The following UBE2W variants were observed in gnomAD, a reference collection of about 807,000 sequenced individuals.
The protein encoded by UBE2W is ubiquitin conjugating enzyme E2 W, also known as ubiquitin-conjugating enzyme E2 W.
In UBE2W, 18 loss-of-function variants were observed where a neutral mutation model predicts 27.2. That is an observed-to-expected ratio of 0.66 (90% CI 0.46 to 0.98). The LOEUF is 0.98. Ranked by LOEUF, UBE2W falls within the 50% of genes least tolerant of loss-of-function variation. The probability of loss-of-function intolerance (pLI) is 0.00; values close to 1 mark genes in which losing one functional copy is unlikely to be tolerated. For missense variants in UBE2W, 90 were observed against 180.2 expected (o/e 0.50, Z 2.87); for synonymous variants, 53 against 57.2 (o/e 0.93, Z 0.33).
chr8:73,781,919 T>C (rs111637215), downstream of UBE2W, among the ~76,000 whole-genome samples: 7,310 of 147,158 alleles, frequency 0.05, 655 homozygotes, highest in African/African-American at 0.17. Context: ...TCTTTATTAC[T>C]AAAAGCCTCC....
chr8:73,849,811 T>C (rs1810996649), intron 1 of UBE2W, among the ~76,000 whole-genome samples: 1 of 151,988 alleles, frequency 6.6e-6, no homozygotes, highest in South Asian at 2.1e-4. Flanking sequence ...TACAGAATGG[T>C]TCAGAGTCAA....
At chr8:73,820,773 A>G (rs978562947) in intron 3 of UBE2W, among the ~76,000 whole-genome samples, 3 of 151,446 alleles carry the variant, frequency 2.0e-5, no homozygotes, top group Non-Finnish European at 4.4e-5. Flanking sequence ...ACAAACAAAC[A>G]AACAAACAAA....
At position 73,789,138 on chromosome 8, in the gene UBE2W, T is replaced by C. The variant is rs1808083682; in HGVS notation, c.*4964A>G. ...GTTTCAAGTACATGTCTAGATTCTA[T>C]GTGCCTCTAATGATAATGATGTACA... is the stretch of plus-strand genomic sequence containing the variant. On this transcript the variant is annotated 3_prime_UTR_variant, in exon 6 of 6. Transcript: ENST00000602593. The C allele has an allele frequency of 1.0e-6, 1 of 984,856 alleles. No homozygotes were observed. The highest frequency in any genetic ancestry group is 1.2e-6 in the Non-Finnish European group (1 of 829,822). The allele number at this position is 984,856 out of a possible 1,614,324, so 61.0% of individuals were successfully genotyped here.
Position 73,823,516 on chromosome 8 carries a change from T to G in UBE2W, c.210+1631A>C, listed in dbSNP as rs567767741. Reference sequence around the variant, plus strand: ...TTGAACTTAGTTGAAGGTAGACAAATAGGCTGATGATGAAAACAGACTGAG... The same window carrying G: ...TTGAACTTAGTTGAAGGTAGACAAAGAGGCTGATGATGAAAACAGACTGAG... On this transcript the variant is annotated intron_variant, in intron 3 of 5. Transcript: ENST00000602593. 3.3e-5 allele frequency among the ~76,000 whole-genome samples: 5 copies of G among 152,268 alleles called. No homozygotes were observed. In the East Asian group the frequency reaches 9.7e-4, roughly 29 times the overall value.
intron 3 of UBE2W, among the ~76,000 whole-genome samples, chr8:73,817,554 T>C (rs1809444934): frequency 6.6e-6 from 1 of 152,072 alleles, no homozygotes; most frequent in Non-Finnish European, 1.5e-5. Flanking sequence ...AGTCTCGTTC[T>C]GTCGCCAGGC....
intron 3 of UBE2W, among the ~76,000 whole-genome samples, chr8:73,822,057 C>T (rs1809635007): frequency 6.6e-6 from 1 of 152,174 alleles, no homozygotes; most frequent in African/African-American, 2.4e-5. Flanking sequence ...ACAAATCGTT[C>T]TTCAAATGGA....
chr8:73,796,580 G>C (rs1178264369), intron 5 of UBE2W: 1 of 907,890 alleles, frequency 1.1e-6, no homozygotes. Context: ...CCCAATCCCT[G>C]TTTCTGACTG....
At chr8:73,863,568 T>TA (rs1193768780) in intron 1 of UBE2W, among the ~76,000 whole-genome samples, 1 of 133,530 alleles carries the variant, frequency 7.5e-6, no homozygotes, top group Non-Finnish European at 1.6e-5. Context: ...CCCTAAAACT[T>TA]AAAGTATAAT....
intron 1 of UBE2W, among the ~76,000 whole-genome samples, chr8:73,864,750 T>TGGGGGGGGGGGGGGGGGG (rs71269956): frequency 1.1e-5 from 1 of 88,550 alleles, no homozygotes; most frequent in African/African-American, 6.0e-5. Flanking sequence ...CAAATTTTTT[T>TGGGGGGGGGGGGGGGGGG]GGGGGGGGGG....
intron 4 of UBE2W, among the ~76,000 whole-genome samples, chr8:73,780,997 C>T (rs1294724406): frequency 2.0e-5 from 3 of 151,666 alleles, no homozygotes; most frequent in African/African-American, 7.3e-5. Context: ...TGGCTGAGCG[C>T]GGTGGCTCAC....
chr8:73,809,886 TAA>T (rs1045402822), intron 4 of UBE2W, among the ~76,000 whole-genome samples: 1 of 151,864 alleles, frequency 6.6e-6, no homozygotes, highest in African/African-American at 2.4e-5. Context: ...GCCTACATTT[TAA>T]GTTTAATTAA....
At chr8:73,802,192 C>T (rs1440925987) in intron 5 of UBE2W, among the ~76,000 whole-genome samples, 1 of 152,162 alleles carries the variant, frequency 6.6e-6, no homozygotes, top group Non-Finnish European at 1.5e-5. Flanking sequence ...AAACTGCTTC[C>T]TTAAAGGATT....
intron 1 of UBE2W, among the ~76,000 whole-genome samples, chr8:73,850,725 TAAAAAA>T (rs11318665): frequency 3.1e-5 from 2 of 63,586 alleles, no homozygotes; most frequent in East Asian, 1.1e-3. Flanking sequence ...AGCAGGACAT[TAAAAAA>T]AAAAAAAAAA....
At chr8:73,863,099 A>T (rs1468308196) in intron 1 of UBE2W, among the ~76,000 whole-genome samples, 1 of 138,200 alleles carries the variant, frequency 7.2e-6, no homozygotes, top group Non-Finnish European at 1.5e-5. Context: ...AATGACTATA[A>T]ATCATGCTGC....
At chr8:73,846,890 G>A (rs778554508) in intron 1 of UBE2W, among the ~76,000 whole-genome samples, 41 of 152,106 alleles carry the variant, frequency 2.7e-4, no homozygotes, top group Non-Finnish European at 4.9e-4. Flanking sequence ...AAAACTAACT[G>A]GGCCAGGTGC....
At position 73,858,879 on chromosome 8, in the gene UBE2W, C is replaced by CGT. The variant is rs5892434; in HGVS notation, c.15+19927_15+19928dup. Among the ~76,000 whole-genome samples, 997 of 141,792 alleles carry CGT rather than the reference C, an allele frequency of 7.0e-3. 7 individuals carry two copies. The highest frequency in any genetic ancestry group is 0.027 in the South Asian group (116 of 4,342). The allele number at this position is 141,792 out of a possible 152,430, so 93.0% of individuals were successfully genotyped here. On this transcript the variant is annotated intron_variant, in intron 1 of 5. Transcript: ENST00000602593. ...CTATCATTAGGGGGGTTTTTGCGTG[C>CGT]GTGTGTGTGTGTGTGTGTGTGTGTG...
At chr8:73,878,336 G>A (rs1408169715) in intron 1 of UBE2W, among the ~76,000 whole-genome samples, 2 of 152,238 alleles carry the variant, frequency 1.3e-5, no homozygotes, top group Non-Finnish European at 1.5e-5. Context: ...GCCGTCCGCA[G>A]CCAGCCGCCT....
intron 5 of UBE2W, among the ~76,000 whole-genome samples, chr8:73,804,080 T>C (rs1408210346): frequency 6.6e-6 from 1 of 152,110 alleles, no homozygotes; most frequent in East Asian, 1.9e-4. Flanking sequence ...CTTTGTGTTT[T>C]CTAATTTTTA....
intron 5 of UBE2W, among the ~76,000 whole-genome samples, 188 bp downstream of exon 5, chr8:73,805,463 A>AAAAACAAAC (rs1808845504): frequency 7.7e-6 from 1 of 129,394 alleles, no homozygotes; most frequent in Non-Finnish European, 1.7e-5. Context: ...TCAAAAAAAA[A>AAAAACAAAC]AAAAAAAACA....
Sources: allele counts gnomAD v4.1 joint callset (sites outside exome capture counted in the v4.1 genomes callset), GRCh38; gene constraint gnomAD v4.1.1; transcripts MANE v1.5; gene names NCBI Gene and HGNC (gene_info 2026-07-23, HGNC 2026-07-21).